The following ASXL1 variants were observed in gnomAD, a reference collection of about 807,000 sequenced individuals.
The protein encoded by ASXL1 is ASXL transcriptional regulator 1.
Under a neutral mutation model 89.1 loss-of-function variants are expected in ASXL1, and 65 were observed. The ratio of observed to expected loss-of-function variants is 0.73; its 90% confidence interval spans 0.60 to 0.90. The LOEUF (loss-of-function observed/expected upper bound fraction) is 0.90. ASXL1 is among the 40% of genes least tolerant of loss of function. The pLI is 0.00. For missense variants in ASXL1, 1,786 were observed against 1,942.9 expected (o/e 0.92, Z 1.52); for synonymous variants, 739 against 746.9 (o/e 0.99, Z 0.17).
chr20:32,376,517 C>T lies in ASXL1; in HGVS notation c.252+7394C>T, dbSNP rs556603861. Among the ~76,000 whole-genome samples the T allele has an allele frequency of 1.3e-4, 20 of 151,314 alleles. No individual in the cohort carries two copies. The South Asian group carries it at 4.2e-3, about 32-fold the overall frequency. ...TCTTGAACTCCTTACCTCAGGTGAT[C>T]CACCCACCGCAGCCCCCCAAAGTGT... On this transcript the variant is annotated intron_variant, in intron 4 of 12. Coordinates refer to ENST00000375687, the MANE Select transcript of ASXL1 (RefSeq NM_015338.6).
intron 6 of ASXL1, chr20:32,429,000 G>T: frequency 2.7e-6 from 1 of 372,598 alleles, no homozygotes; most frequent in Non-Finnish European, 5.2e-6. Flanking sequence ...TGAACATTCA[G>T]GGAGAAGTGT....
rs1426548051 is a variant in ASXL1, at chr20:32,369,037, C to G, written c.166C>G (p.Leu56Val). 1.9e-6 allele frequency: 3 copies of G among 1,613,814 alleles called. No individual in the cohort carries two copies. In the African/African-American group the frequency reaches 4.0e-5, roughly 22 times the overall value. ...MRSGTSPLACLNAMLHSNSRG... is the reference protein window; with the variant it reads ...MRSGTSPLACVNAMLHSNSRG... ...CAGTGGGACTTCCCCTCTCGCATGC[C>G]TCAATGCTATGCTACATTCCAATTC... The change falls in exon 4 of 13, where the codon CTC (leucine) becomes GTC (valine). Residue 56 changes from leucine (L) to valine (V), a missense_variant. Leu to Val is a conservative substitution (Grantham distance 32). Coordinates refer to ENST00000375687, the MANE Select transcript of ASXL1 (RefSeq NM_015338.6).
At chr20:32,415,574 C>G (rs2049124890) in intron 4 of ASXL1, among the ~76,000 whole-genome samples, 3 of 152,212 alleles carry the variant, frequency 2.0e-5, no homozygotes, top group African/African-American at 7.2e-5. Flanking sequence ...CAACTCTTGT[C>G]TGCAGTGGTT....
chr20:32,435,351 C>T lies in ASXL1; in HGVS notation c.2639C>T (p.Thr880Ile). 2 of 1,614,144 alleles carry T rather than the reference C, an allele frequency of 1.2e-6. No individual in the cohort carries two copies. Among genetic ancestry groups the T allele is most frequent in the Non-Finnish European group, 1.7e-6 (2 of 1,180,000 alleles). Residue 880 changes from threonine (T) to isoleucine (I), a missense_variant, in exon 13 of 13, where the codon ACT becomes ATT. This residue lies in a region of ASXL1 where 1,418 missense variants were observed against 1,427.8 expected (regional missense o/e 0.99). Transcript: ENST00000375687. ...GSCPPMRESDTRQENLKTKAL... is the reference protein window; with the variant it reads ...GSCPPMRESDIRQENLKTKAL... ...TGCCCTCCTATGAGGGAAAGTGATACTAGACAAGAAAACTTGAAAACCAAG... is the reference window on the plus strand; with the variant it reads ...TGCCCTCCTATGAGGGAAAGTGATATTAGACAAGAAAACTTGAAAACCAAG...
intron 4 of ASXL1, among the ~76,000 whole-genome samples, chr20:32,399,978 T>C (rs1341237725): frequency 6.6e-6 from 1 of 151,974 alleles, no homozygotes; most frequent in Non-Finnish European, 1.5e-5. Flanking sequence ...GCCAGGCTGG[T>C]CTTGAACTCC....
chr20:32,401,870 G>A (rs958428246), intron 4 of ASXL1, among the ~76,000 whole-genome samples: 4 of 151,762 alleles, frequency 2.6e-5, no homozygotes, highest in African/African-American at 9.7e-5. Flanking sequence ...ATACATATAC[G>A]CCTATGATGA....
intron 4 of ASXL1, among the ~76,000 whole-genome samples, chr20:32,409,159 G>A (rs2049004139): frequency 6.6e-6 from 1 of 152,010 alleles, no homozygotes; most frequent in African/African-American, 2.4e-5. Context: ...ATTTTTAGTA[G>A]AGACAGGGTT....
intron 4 of ASXL1, among the ~76,000 whole-genome samples, chr20:32,420,072 C>G (rs1363955776): frequency 1.3e-5 from 2 of 150,028 alleles, no homozygotes; most frequent in African/African-American, 4.9e-5. Context: ...TCTCAAATGT[C>G]ACAATGTGGC....
At chr20:32,403,766 CA>C (rs1192789329) in intron 4 of ASXL1, among the ~76,000 whole-genome samples, 1 of 152,060 alleles carries the variant, frequency 6.6e-6, no homozygotes. Context: ...GGTGGAGTTT[CA>C]ATAGTAAATG....
At chr20:32,421,311 T>C (rs1267439704) in intron 4 of ASXL1, among the ~76,000 whole-genome samples, 2 of 150,402 alleles carry the variant, frequency 1.3e-5, no homozygotes, top group South Asian at 4.2e-4. Flanking sequence ...ATGAAAATCA[T>C]TGAAATCTAG....
intron 2 of ASXL1, 133 bp downstream of exon 2, chr20:32,366,599 A>G: frequency 2.6e-6 from 4 of 1,540,062 alleles, no homozygotes; most frequent in Non-Finnish European, 3.5e-6. Context: ...GGAACTATCC[A>G]TTTCCCAAAT....
chr20:32,380,075 A>C (rs2048460958), intron 4 of ASXL1, among the ~76,000 whole-genome samples: 5 of 152,302 alleles, frequency 3.3e-5, no homozygotes, highest in Admixed American at 3.3e-4. Flanking sequence ...TGAGGTCAGG[A>C]GTTCAAGACC....
chr20:32,428,880 C>T (rs2011427673), intron 6 of ASXL1: 3 of 291,716 alleles, frequency 1.0e-5, no homozygotes, highest in Non-Finnish European at 1.3e-5. Flanking sequence ...AGGCTAGTCT[C>T]GAATTCCTGA....
rs1272094086 is a variant in ASXL1, at chr20:32,358,443, C to T, written c.-333C>T. 4.3e-6 allele frequency: 1 copy of T among 232,410 alleles called. No homozygotes were observed. Among genetic ancestry groups the T allele is most frequent in the Non-Finnish European group, 8.5e-6 (1 of 117,746 alleles). The allele number at this position is 232,410 out of a possible 1,614,324, so 14.4% of individuals were successfully genotyped here. A position where few individuals can be genotyped will look rare whatever the true frequency, so the allele number is the denominator to read the frequency against. On this transcript the variant is annotated 5_prime_UTR_variant, in exon 1 of 13. Coordinates refer to ENST00000375687, the MANE Select transcript of ASXL1 (RefSeq NM_015338.6). ...GTCCTGTCTCAGTCCCTCAGCAGAG[C>T]GGGAAAGCGGAGGCCGGAGCCGTGA...
chr20:32,396,366 C>A lies in ASXL1; in HGVS notation c.252+27243C>A, dbSNP rs138037584. Among the ~76,000 whole-genome samples, 81 of 152,230 alleles carry A rather than the reference C, an allele frequency of 5.3e-4. 1 individual carries two copies. The East Asian group carries it at 0.012, about 23-fold the overall frequency. ...CATGTTGGTATTTTTGAGATTTGTT[C>A]TGGAGTGCAGATGAGTTAGCTGGAA... is the stretch of plus-strand genomic sequence containing the variant. On this transcript the variant is annotated intron_variant, in intron 4 of 12. Transcript: ENST00000375687.
At chr20:32,360,462 C>G (rs981967044) in intron 1 of ASXL1, 1 of 152,350 alleles carries the variant, frequency 6.6e-6, no homozygotes, top group Non-Finnish European at 1.5e-5. Context: ...AGAGAGCTCT[C>G]GTTCTCCTCC....
chr20:32,416,755 G>A (rs1364342076), intron 4 of ASXL1, among the ~76,000 whole-genome samples: 14 of 152,062 alleles, frequency 9.2e-5, no homozygotes, highest in Admixed American at 9.2e-4. Flanking sequence ...TGACTTGGAG[G>A]CTCTTTCTGT....
chr20:32,434,483 T>TA lies in ASXL1; in HGVS notation c.1772dup (p.Tyr591Ter), dbSNP rs762036456. The change falls in exon 13 of 13, where the codon TAC becomes TAAC. Residue 591 changes from tyrosine to a stop codon, truncating the protein, a stop_gained and frameshift_variant. Transcript: ENST00000375687. LOFTEE classifies it low-confidence loss of function (END_TRUNC). The stretch of plus-strand genomic sequence containing the variant: ...CTGGGTGGTTAAAGGTCAGCCCACT[T>TA]ACCAGATATGCCCCCGGATCATCCC... ...PPWVVKGQPT[Y>*]QICPRIIPTT... 2.4e-5 allele frequency: 39 copies of TA among 1,613,940 alleles called. No homozygotes were observed. The highest frequency in any genetic ancestry group is 4.5e-5 in the East Asian group (2 of 44,892).
In ASXL1 at chr20:32,436,473, A is replaced by G. The variant is rs587778059; in HGVS notation, c.3761A>G (p.Asn1254Ser). Residue 1254 changes from asparagine (N) to serine (S), a missense_variant, in exon 13 of 13, where the codon AAT becomes AGT. By Grantham distance (46) the Asn-to-Ser change is conservative (BLOSUM62 1). Transcript: ENST00000375687. ...KEVRAMSQDS[N>S]SNAAPGKSPG... ...GTCCGTGCTATGTCACAGGACAGTA[A>G]TTCAAATGCTGCTCCAGGAAAGAGC... 2.4e-5 allele frequency: 39 copies of G among 1,614,086 alleles called. No homozygotes were observed. The African/African-American group carries it at 4.3e-4, about 18-fold the overall frequency.
Sources: allele counts gnomAD v4.1 joint callset (sites outside exome capture counted in the v4.1 genomes callset), GRCh38; gene constraint gnomAD v4.1.1; regional missense constraint gnomAD v4.1.1; transcripts MANE v1.5; gene names NCBI Gene and HGNC (gene_info 2026-07-23, HGNC 2026-07-21).